The following ATXN2 variants were observed in gnomAD, a reference collection of about 807,000 sequenced individuals.
ATXN2 encodes the protein ataxin-2.
ATXN2 carries 37 observed loss-of-function variants against 138.6 expected under a neutral mutation model. The ratio of observed to expected loss-of-function variants is 0.27; its 90% CI spans 0.21 to 0.35. ATXN2 has a LOEUF of 0.35. ATXN2 is among the 10% of genes least tolerant of loss of function. ATXN2 has a pLI of 1.00. For missense variants in ATXN2, 1,216 were observed against 1,480.3 expected (o/e 0.82, Z 2.93); for synonymous variants, 549 against 543.7 (o/e 1.01, Z -0.13).
At chr12:111,554,417 G>T (rs141091651) in intron 2 of ATXN2, among the ~76,000 whole-genome samples, 200 bp from the exon 3 acceptor site, 33 of 152,244 alleles carry the variant, frequency 2.2e-4, no homozygotes, top group Admixed American at 9.2e-4. Context: ...TGCTCAGCCT[G>T]TATTTACATT....
At chr12:111,463,568 C>T (rs1031184230) in intron 21 of ATXN2, among the ~76,000 whole-genome samples, 2 of 152,000 alleles carry the variant, frequency 1.3e-5, no homozygotes, top group African/African-American at 2.4e-5. Context: ...TGAGCCACCA[C>T]GTCCGGCCCT....
intron 14 of ATXN2, among the ~76,000 whole-genome samples, chr12:111,497,283 A>G (rs946472823): frequency 3.9e-5 from 6 of 152,194 alleles, no homozygotes; most frequent in African/African-American, 1.2e-4. Context: ...TTCACTGCTG[A>G]ATTCTACTAA....
chr12:111,586,656 G>A (rs1050451902), intron 1 of ATXN2, among the ~76,000 whole-genome samples: 1 of 151,922 alleles, frequency 6.6e-6, no homozygotes. Context: ...AAAGTGCTGG[G>A]ATTACAGGGG....
chr12:111,494,465 G>A (rs536075834), intron 14 of ATXN2, among the ~76,000 whole-genome samples: 13 of 140,824 alleles, frequency 9.2e-5, no homozygotes, highest in African/African-American at 2.7e-4. Context: ...TCACTCTGTC[G>A]CCCAGGCTGG....
Position 111,562,720 on chromosome 12 carries a change from C to CAA in ATXN2, c.252-6803_252-6802dup, listed in dbSNP as rs34625134. ...GGGCAATAAGAGCGAAACTCCATCT[C>CAA]AAAAAAAAAAAAAAAAAAAAAAAAA... is the stretch of plus-strand genomic sequence containing the variant. On this transcript the variant is annotated intron_variant, in intron 1 of 24. Transcript: ENST00000673436. Among the ~76,000 whole-genome samples, 471 of 54,682 alleles carry CAA rather than the reference C, an allele frequency of 8.6e-3. 2 individuals carry two copies. The highest frequency in any genetic ancestry group is 0.019 in the Middle Eastern group (2 of 106). 35.9% of individuals were successfully genotyped at this position (54,682 alleles called of 152,430 possible). A position where few individuals can be genotyped will look rare whatever the true frequency, so the allele number is the denominator to read the frequency against.
At chr12:111,595,776 T>C (rs867396442) in intron 1 of ATXN2, among the ~76,000 whole-genome samples, 31 of 151,784 alleles carry the variant, frequency 2.0e-4, no homozygotes, top group South Asian at 1.0e-3. Flanking sequence ...AGACTGATGG[T>C]TGGGGGCAGT....
intron 21 of ATXN2, among the ~76,000 whole-genome samples, chr12:111,459,294 A>T (rs1875377466): frequency 6.6e-6 from 1 of 152,180 alleles, no homozygotes; most frequent in Admixed American, 6.5e-5. Context: ...TGGCTTATTA[A>T]CAGGCCCTCC....
intron 1 of ATXN2, among the ~76,000 whole-genome samples, chr12:111,574,998 G>C (rs1334263677): frequency 6.6e-6 from 1 of 152,026 alleles, no homozygotes; most frequent in African/African-American, 2.4e-5. Flanking sequence ...TATCTAACAG[G>C]GCTATGTGGT....
At chr12:111,459,184 C>T (rs1005557518) in intron 21 of ATXN2, among the ~76,000 whole-genome samples, 3 of 152,172 alleles carry the variant, frequency 2.0e-5, no homozygotes, top group Admixed American at 6.5e-5. Flanking sequence ...GAGTAGTGAA[C>T]GTCTTCTGGG....
intron 10 of ATXN2, among the ~76,000 whole-genome samples, 172 bp from the exon 11 acceptor site, chr12:111,513,711 TA>T (rs1464610813): frequency 6.6e-6 from 1 of 151,826 alleles, no homozygotes; most frequent in African/African-American, 2.4e-5. Context: ...TTGGCCATAC[TA>T]ATTCTTTCAG....
chr12:111,576,953 G>A (rs1022108239), intron 1 of ATXN2, among the ~76,000 whole-genome samples: 4 of 151,524 alleles, frequency 2.6e-5, no homozygotes, highest in Non-Finnish European at 5.9e-5. Context: ...GCGAGACTCC[G>A]TCTCCAAAAA....
intron 5 of ATXN2, among the ~76,000 whole-genome samples, chr12:111,547,085 ATGT>A (rs1881834323): frequency 6.6e-6 from 1 of 152,252 alleles, no homozygotes; most frequent in South Asian, 2.1e-4. Context: ...GAAATCAATG[ATGT>A]TAGCATCAAG....
rs118002600 is a variant in ATXN2 at position 111,576,247 on chromosome 12, C to A, written c.252-20328G>T. On this transcript the variant is annotated intron_variant, in intron 1 of 24. Transcript: ENST00000673436. ...TCACTTGAGAATAGGAGTTTGAGACCAGGCTGACCAACATGGTGAAACCCC... is the reference window on the plus strand; with the variant it reads ...TCACTTGAGAATAGGAGTTTGAGACAAGGCTGACCAACATGGTGAAACCCC... 0.036 allele frequency among the ~76,000 whole-genome samples: 5,417 copies of A among 151,970 alleles called. 967 individuals carry two copies. The East Asian group carries it at 0.57, about 16-fold the overall frequency.
chr12:111,577,932 A>C (rs968848778), intron 1 of ATXN2, among the ~76,000 whole-genome samples: 11 of 152,110 alleles, frequency 7.2e-5, no homozygotes, highest in Non-Finnish European at 8.8e-5. Flanking sequence ...GCGGTGGCTC[A>C]CATCTGTAAT....
At chr12:111,498,392 C>T (rs1221432941) in intron 14 of ATXN2, among the ~76,000 whole-genome samples, 1 of 152,088 alleles carries the variant, frequency 6.6e-6, no homozygotes, top group African/African-American at 2.4e-5. Context: ...ATACAAAAAT[C>T]AACACACAAA....
rs1449868642 is a variant in ATXN2, at chr12:111,495,319, A to AAC, written c.1936-6540_1936-6539insGT. 2.6e-5 allele frequency among the ~76,000 whole-genome samples: 4 copies of AAC among 151,836 alleles called. No individual in the cohort carries two copies. The East Asian group carries it at 7.7e-4, about 29-fold the overall frequency. ...GCAAAACTCTGTCTCAAAAAAAAAA[A>AAC]AAAAAAAACCAAAGATCCATTGCCT... On this transcript the variant is annotated intron_variant, in intron 14 of 24. Transcript: ENST00000673436.
intron 5 of ATXN2, among the ~76,000 whole-genome samples, chr12:111,527,154 G>T (rs994634793): frequency 3.9e-5 from 6 of 152,200 alleles, no homozygotes; most frequent in Admixed American, 6.5e-5. Context: ...GGCCCACTGG[G>T]CAATGATGGC....
At chr12:111,473,760 T>TG (rs1432330885) in intron 18 of ATXN2, among the ~76,000 whole-genome samples, 1 of 120,710 alleles carries the variant, frequency 8.3e-6, no homozygotes, top group South Asian at 2.5e-4. Flanking sequence ...TGTGAAACAT[T>TG]GGGGAAAAAA....
At chr12:111,562,720 CAAAAAAAAAAA>C (rs34625134) in intron 1 of ATXN2, among the ~76,000 whole-genome samples, 2 of 55,980 alleles carry the variant, frequency 3.6e-5, no homozygotes, top group Admixed American at 2.1e-4. Context: ...AACTCCATCT[CAAAAAAAAAAA>C]AAAAAAAAAA....
Sources: allele counts gnomAD v4.1 joint callset (sites outside exome capture counted in the v4.1 genomes callset), GRCh38; gene constraint gnomAD v4.1.1; transcripts MANE v1.5; gene names NCBI Gene and HGNC (gene_info 2026-07-23, HGNC 2026-07-21).